The following NRG3 variants were observed in gnomAD, a reference collection of about 807,000 sequenced individuals.
NRG3 encodes neuregulin 3.
NRG3 carries 31 observed loss-of-function variants against 66.9 expected under a neutral mutation model. The ratio of observed to expected loss-of-function variants is 0.46; its 90% CI spans 0.35 to 0.63. The LOEUF (loss-of-function observed/expected upper bound fraction) is 0.63. NRG3 is among the 20% of genes least tolerant of loss of function. The pLI, the probability that NRG3 is intolerant of heterozygous loss-of-function variation, is 0.00. For synonymous variants in NRG3, 393 were observed against 359.4 expected, an observed-to-expected ratio of 1.09 and a Z score of -1.06; for missense variants, 910 against 878.9, an observed-to-expected ratio of 1.04 and a Z score of -0.45.
chr10:81,998,832 A>G (rs2061051103), intron 1 of NRG3, among the ~76,000 whole-genome samples: 1 of 152,098 alleles, frequency 6.6e-6, no homozygotes, highest in Non-Finnish European at 1.5e-5. Context: ...CATAGCATGA[A>G]AACTTTGTGT....
At chr10:82,476,450 A>T (rs545241333) in intron 2 of NRG3, among the ~76,000 whole-genome samples, 1 of 152,340 alleles carries the variant, frequency 6.6e-6, no homozygotes, top group Non-Finnish European at 1.5e-5. Context: ...GGTGAAGTCA[A>T]TCCAAGAGTC....
At chr10:82,175,107 A>T (rs1005454220) in intron 1 of NRG3, among the ~76,000 whole-genome samples, 4 of 152,060 alleles carry the variant, frequency 2.6e-5, no homozygotes, top group African/African-American at 9.7e-5. Flanking sequence ...GGACATTAAG[A>T]CCTACCCTTA....
chr10:81,916,579 G>GA (rs1204402631), intron 1 of NRG3, among the ~76,000 whole-genome samples: 1 of 152,144 alleles, frequency 6.6e-6, no homozygotes, highest in Non-Finnish European at 1.5e-5. Context: ...AAAAGCAGGT[G>GA]AAACTGAAAT....
At chr10:82,543,171 C>T (rs1274869636) in intron 2 of NRG3, among the ~76,000 whole-genome samples, 5 of 152,016 alleles carry the variant, frequency 3.3e-5, no homozygotes, top group African/African-American at 9.7e-5. Flanking sequence ...GGATTACAGG[C>T]GGGAGCCACC....
At chr10:82,891,317 G>T (rs910696294) in intron 4 of NRG3, among the ~76,000 whole-genome samples, 2 of 151,496 alleles carry the variant, frequency 1.3e-5, no homozygotes, top group African/African-American at 4.8e-5. Flanking sequence ...TTCTGTTTGG[G>T]TCCTCTTTAA....
At chr10:82,241,186 G>A (rs1439919854) in intron 1 of NRG3, among the ~76,000 whole-genome samples, 2 of 152,032 alleles carry the variant, frequency 1.3e-5, no homozygotes, top group African/African-American at 2.4e-5. Flanking sequence ...ATTATAGATG[G>A]CATCTAAATG....
At chr10:82,880,873 C>T (rs750384324) in intron 4 of NRG3, among the ~76,000 whole-genome samples, 15 of 152,096 alleles carry the variant, frequency 9.9e-5, no homozygotes, top group Non-Finnish European at 1.8e-4. Context: ...ATCTGGCAAC[C>T]CCTGCTGTAG....
At position 82,935,350 on chromosome 10, in the gene NRG3, A is replaced by G. The variant is rs377066346; in HGVS notation, c.1055-16119A>G. 5.9e-5 allele frequency among the ~76,000 whole-genome samples: 9 copies of G among 152,332 alleles called. 1 individual carries two copies. Among genetic ancestry groups the G allele is most frequent in the African/African-American group, 2.2e-4 (9 of 41,576 alleles). On this transcript the variant is annotated intron_variant, in intron 4 of 8. Transcript: ENST00000372141. ...TTGTTGTCTTTTCCACACACCTTAC[A>G]GATGATCAGTATTCTATTTAAAATG...
chr10:82,719,844 C>G (rs2057190823), intron 2 of NRG3, among the ~76,000 whole-genome samples: 1 of 152,118 alleles, frequency 6.6e-6, no homozygotes, highest in South Asian at 2.1e-4. Flanking sequence ...AAAGAGGTTT[C>G]TGTTTTCTGG....
intron 3 of NRG3, among the ~76,000 whole-genome samples, chr10:82,745,377 T>A (rs778116046): frequency 7.2e-5 from 11 of 152,148 alleles, no homozygotes; most frequent in Non-Finnish European, 1.2e-4. Flanking sequence ...AAGCAGAAAC[T>A]AATTATCACT....
chr10:82,285,865 T>C (rs61863053), intron 1 of NRG3, among the ~76,000 whole-genome samples: 14,301 of 152,238 alleles, frequency 0.094, 859 homozygotes, highest in Non-Finnish European at 0.14. Flanking sequence ...GAATAGAGCT[T>C]CTTTATTCCT....
chr10:82,184,274 T>A (rs551489227), intron 1 of NRG3, among the ~76,000 whole-genome samples: 1 of 152,294 alleles, frequency 6.6e-6, no homozygotes, highest in Admixed American at 6.5e-5. Flanking sequence ...ATCAGCTGCT[T>A]AGTTGAGAAC....
intron 4 of NRG3, among the ~76,000 whole-genome samples, chr10:82,919,118 T>C (rs1846172742): frequency 6.6e-6 from 1 of 151,204 alleles, no homozygotes; most frequent in African/African-American, 2.4e-5. Flanking sequence ...TGTGTTCCTA[T>C]TACAAGTAAT....
chr10:82,049,453 C>A (rs1437153329), intron 1 of NRG3, among the ~76,000 whole-genome samples: 1 of 152,020 alleles, frequency 6.6e-6, no homozygotes, highest in Admixed American at 6.6e-5. Flanking sequence ...TTCCTTAAAT[C>A]CTACTTCTTT....
At chr10:82,016,284 C>T (rs908716246) in intron 1 of NRG3, among the ~76,000 whole-genome samples, 32 of 151,940 alleles carry the variant, frequency 2.1e-4, no homozygotes, top group African/African-American at 2.9e-4. Flanking sequence ...AGTGGTTAGC[C>T]GATTGGAGAA....
chr10:82,320,645 C>G (rs569251367), intron 1 of NRG3, among the ~76,000 whole-genome samples: 5 of 152,220 alleles, frequency 3.3e-5, no homozygotes, highest in Admixed American at 2.6e-4. Context: ...GGTATGTACA[C>G]TAGCCAGAAA....
At chr10:82,030,678 C>T (rs2062525995) in intron 1 of NRG3, among the ~76,000 whole-genome samples, 1 of 149,094 alleles carries the variant, frequency 6.7e-6, no homozygotes. Flanking sequence ...TATGCACTTC[C>T]CAACAGAAAT....
chr10:82,161,767 A>C (rs374852098), intron 1 of NRG3, among the ~76,000 whole-genome samples: 9 of 152,084 alleles, frequency 5.9e-5, no homozygotes, highest in African/African-American at 1.9e-4. Flanking sequence ...ACTTCTAGGA[A>C]AGAAAGATAT....
intron 4 of NRG3, among the ~76,000 whole-genome samples, chr10:82,896,447 G>A (rs190735277): frequency 2.2e-4 from 34 of 151,762 alleles, no homozygotes; most frequent in Admixed American, 1.8e-3. Flanking sequence ...TGGCAAAGAA[G>A]GATGAGGCTG....
Sources: allele counts gnomAD v4.1 joint callset (sites outside exome capture counted in the v4.1 genomes callset), GRCh38; gene constraint gnomAD v4.1.1; transcripts MANE v1.5; gene names NCBI Gene and HGNC (gene_info 2026-07-23, HGNC 2026-07-21).